Variants in NAIF1 observed in about 807,000 individuals in gnomAD.
NAIF1 encodes the protein nuclear apoptosis-inducing factor 1.
NAIF1 carries 14 observed loss-of-function variants against 20.7 expected under a neutral mutation model. That is an observed-to-expected ratio of 0.67 (90% CI 0.45 to 1.05). NAIF1 has a LOEUF of 1.05. Ranked by LOEUF, NAIF1 falls within the 50% of genes least tolerant of loss-of-function variation. The probability of loss-of-function intolerance (pLI) is 0.00; values close to 1 mark genes in which losing one functional copy is unlikely to be tolerated. For synonymous variants in NAIF1, 191 were observed against 191.4 expected (o/e 1.00, Z 0.02); for missense variants, 362 against 448.8 (o/e 0.81, Z 1.75).
intron 1 of NAIF1, among the ~76,000 whole-genome samples, chr9:128,064,566 G>A (rs965056743): frequency 8.5e-5 from 13 of 152,160 alleles, no homozygotes; most frequent in African/African-American, 2.4e-4. Flanking sequence ...ATTTTTCAGA[G>A]ATGAGGAAAC....
At chr9:128,064,839 T>C (rs1276046027) in intron 1 of NAIF1, among the ~76,000 whole-genome samples, 1 of 152,032 alleles carries the variant, frequency 6.6e-6, no homozygotes, top group Non-Finnish European at 1.5e-5. Flanking sequence ...CTCGTCTCTA[T>C]TAAAAATACA....
Position 128,067,133 on chromosome 9 carries a change from T to A in NAIF1, c.-32A>T. On this transcript the variant is annotated 5_prime_UTR_variant, in exon 1 of 2. Coordinates refer to ENST00000373078, the MANE Select transcript of NAIF1 (RefSeq NM_197956.4). ...TCCCCTCCCCTCTTTTTAAAGAAATTATAATCCCCTCAAGCGCCCCAATTC... is the reference window on the plus strand; with the variant it reads ...TCCCCTCCCCTCTTTTTAAAGAAATAATAATCCCCTCAAGCGCCCCAATTC... The A allele has an allele frequency of 6.4e-7, 1 of 1,550,880 alleles. No homozygotes were observed. Among genetic ancestry groups the A allele is most frequent in the African/African-American group, 1.4e-5 (1 of 73,244 alleles).
chr9:128,063,382 G>A lies in NAIF1; in HGVS notation c.*46C>T. ...TCACAGGACCCACTTACAAGTCCAT[G>A]GAGTTTTCATCCCATCATGGCAGAA... On this transcript the variant is annotated 3_prime_UTR_variant, in exon 2 of 2. Transcript: ENST00000373078. This position sits in a 1 kb window ranked among gnomAD's most constrained non-coding sequence, Gnocchi z 4.3. 1 of 1,544,378 alleles carries A rather than the reference G, an allele frequency of 6.5e-7. No homozygotes were observed. The highest frequency in any genetic ancestry group is 8.8e-7 in the Non-Finnish European group (1 of 1,136,686).
Position 128,061,706 on chromosome 9 carries a change from C to G in NAIF1, c.*1722G>C, listed in dbSNP as rs1159074253. 6.6e-6 allele frequency: 1 copy of G among 152,266 alleles called. No homozygotes were observed. The highest frequency in any genetic ancestry group is 1.5e-5 in the Non-Finnish European group (1 of 68,080). The allele number at this position is 152,266 out of a possible 1,614,324, so 9.4% of individuals were successfully genotyped here. ...GGAGGGCAGCGTCTTCTCTTTTTAG[C>G]TGAGGTCTGGAGCCCTGAGTTGTAA... is the stretch of plus-strand genomic sequence containing the variant. On this transcript the variant is annotated 3_prime_UTR_variant, in exon 2 of 2. Coordinates refer to ENST00000373078, the MANE Select transcript of NAIF1 (RefSeq NM_197956.4).
chr9:128,066,710 C>T lies in NAIF1; in HGVS notation c.392G>A (p.Arg131His), dbSNP rs757619802. ...APVLLTPMQQ[R>H]ICNLLGEATI... ...GGCCTCGCCCAGCAGGTTGCAGATA[C>T]GTTGTTGCATGGGGGTCAGCAGCAC... Residue 131 changes from arginine to histidine, a missense_variant, in exon 1 of 2, where the codon CGT (arginine) becomes CAT (histidine). Coordinates refer to ENST00000373078, the MANE Select transcript of NAIF1 (RefSeq NM_197956.4). 1 of 1,611,848 alleles carries T rather than the reference C, an allele frequency of 6.2e-7. No individual in the cohort carries two copies. Among genetic ancestry groups the T allele is most frequent in the Admixed American group, 1.7e-5 (1 of 59,816 alleles).
In NAIF1 at chr9:128,063,783, T is replaced by A. The variant is rs1386235603; in HGVS notation, c.629A>T (p.Asp210Val). 1 of 1,613,866 alleles carries A rather than the reference T, an allele frequency of 6.2e-7. No homozygotes were observed. Among genetic ancestry groups the A allele is most frequent in the African/African-American group, 1.3e-5 (1 of 74,940 alleles). The change falls in exon 2 of 2, where the codon GAC becomes GTC. Residue 210 changes from aspartate (D) to valine (V), a missense_variant. Transcript: ENST00000373078. The surrounding 1 kb of genome is among the most constrained non-coding windows in gnomAD (Gnocchi z 4.3). ...TPVDMMAQHA[D>V]TSVKPQALKS... ...GAGCGCTTGCGGCTTGACCGACGTG[T>A]CTGCATGCTGGGCCATCATGTCCAC...
At chr9:128,064,820 T>G (rs1267959953) in intron 1 of NAIF1, among the ~76,000 whole-genome samples, 1 of 151,954 alleles carries the variant, frequency 6.6e-6, no homozygotes, top group Non-Finnish European at 1.5e-5. Context: ...CTGACCAACA[T>G]GGAGAAACCT....
chr9:128,064,515 A>C (rs1398671386), intron 1 of NAIF1, among the ~76,000 whole-genome samples: 1 of 152,208 alleles, frequency 6.6e-6, no homozygotes, highest in Non-Finnish European at 1.5e-5. Flanking sequence ...TAGCTCAACA[A>C]ATCCTCAAAA....
chr9:128,063,859 C>A lies in NAIF1; in HGVS notation c.553G>T (p.Val185Leu). Reference sequence around the variant, plus strand: ...GGCGCCTCAGCCGTGCAGTACTCCACCACGCCCTCCTCCAGCGTGTGATAG... The same window carrying A: ...GGCGCCTCAGCCGTGCAGTACTCCAACACGCCCTCCTCCAGCGTGTGATAG... ...TTYHTLEEGV[V>L]EYCTAEAPPP... The change falls in exon 2 of 2, where the codon GTG (valine) becomes TTG (leucine). Residue 185 changes from valine to leucine, a missense_variant. Around this residue, in one of 3 missense-constraint regions of NAIF1, gnomAD observed 300 missense variants for 342.7 expected, o/e 0.88. Transcript: ENST00000373078. The surrounding 1 kb of genome is among the most constrained non-coding windows in gnomAD (Gnocchi z 4.3). 1 of 1,610,224 alleles carries A rather than the reference C, an allele frequency of 6.2e-7. No homozygotes were observed. Among genetic ancestry groups the A allele is most frequent in the Non-Finnish European group, 8.5e-7 (1 of 1,180,008 alleles).
At chr9:128,065,970 T>G (rs578189277) in intron 1 of NAIF1, among the ~76,000 whole-genome samples, 1 of 152,120 alleles carries the variant, frequency 6.6e-6, no homozygotes, top group Non-Finnish European at 1.5e-5. Flanking sequence ...GCGAAGCTAT[T>G]CCTATATGTG....
At chr9:128,065,130 A>G (rs1460984938) in intron 1 of NAIF1, among the ~76,000 whole-genome samples, 4 of 122,356 alleles carry the variant, frequency 3.3e-5, no homozygotes, top group African/African-American at 3.1e-5. Context: ...TTTTTTTGAG[A>G]CGGAGTTTTG....
At position 128,063,061 on chromosome 9, in the gene NAIF1, G is replaced by T; in HGVS notation, c.*367C>A. On this transcript the variant is annotated 3_prime_UTR_variant, in exon 2 of 2. Transcript: ENST00000373078. The surrounding 1 kb of genome is among the most constrained non-coding windows in gnomAD (Gnocchi z 4.3). ...ACCTGGGGTTGGGCAGCTCAGTAGA[G>T]ACCCAGGCTGGGTGACGGCCCCCAG... 7.3e-6 allele frequency: 2 copies of T among 274,848 alleles called. No individual in the cohort carries two copies. Among genetic ancestry groups the T allele is most frequent in the South Asian group, 1.1e-4 (2 of 18,244 alleles). The allele number at this position is 274,848 out of a possible 1,614,324, so 17.0% of individuals were successfully genotyped here.
At position 128,067,281 on chromosome 9, in the gene NAIF1, A is replaced by G. The variant is rs1832798440; in HGVS notation, c.-180T>C. On this transcript the variant is annotated 5_prime_UTR_variant, in exon 1 of 2. Transcript: ENST00000373078. Reference sequence around the variant, plus strand: ...TCGCTACGCAAAGTGCGTAGGGCCCAGCCCCGACCGGCCCGGCCGCTGCCA... The same window carrying G: ...TCGCTACGCAAAGTGCGTAGGGCCCGGCCCCGACCGGCCCGGCCGCTGCCA... 2 of 674,620 alleles carry G rather than the reference A, an allele frequency of 3.0e-6. No individual in the cohort carries two copies. The highest frequency in any genetic ancestry group is 5.9e-5 in the East Asian group (2 of 33,826). The allele number at this position is 674,620 out of a possible 1,614,324, so 41.8% of individuals were successfully genotyped here.
Position 128,061,408 on chromosome 9 carries a change from T to C in NAIF1, c.*2020A>G, listed in dbSNP as rs1832715798. On this transcript the variant is annotated 3_prime_UTR_variant, in exon 2 of 2. Transcript: ENST00000373078. ...TCCTCAGGAAGTCCCTGCAGCGACC[T>C]TGCTGGGGCCATCAGACCGCACAGA... is the stretch of plus-strand genomic sequence containing the variant. 6.6e-6 allele frequency: 1 copy of C among 152,200 alleles called. No homozygotes were observed. The highest frequency in any genetic ancestry group is 2.4e-5 in the African/African-American group (1 of 41,448). 9.4% of individuals were successfully genotyped at this position (152,200 alleles called of 1,614,324 possible).
Sources: allele counts gnomAD v4.1 joint callset (sites outside exome capture counted in the v4.1 genomes callset), GRCh38; gene constraint gnomAD v4.1.1; regional missense constraint gnomAD v4.1.1; non-coding constraint Gnocchi (gnomAD v3.1); transcripts MANE v1.5; gene names NCBI Gene and HGNC (gene_info 2026-07-23, HGNC 2026-07-21).